The following IPO11 variants were observed in gnomAD, a reference collection of about 807,000 sequenced individuals.
IPO11 encodes importin 11.
IPO11 carries 66 observed loss-of-function variants against 143.2 expected under a neutral mutation model. The ratio of observed to expected loss-of-function variants is 0.46; its 90% confidence interval spans 0.38 to 0.57. The LOEUF (loss-of-function observed/expected upper bound fraction) is 0.57. Among genes scored for constraint, IPO11 ranks in the 20% least tolerant of loss-of-function variants. The pLI is 0.00. For synonymous variants in IPO11, 385 were observed against 377.8 expected, an observed-to-expected ratio of 1.02 and a Z score of -0.22; for missense variants, 1,026 against 1,141.0, an observed-to-expected ratio of 0.90 and a Z score of 1.45.
rs576263939 is a variant in IPO11, at chr5:62,613,953, A to T, written c.2763+12105A>T. On this transcript the variant is annotated intron_variant, in intron 29 of 29. Coordinates refer to ENST00000325324, the MANE Select transcript of IPO11 (RefSeq NM_016338.5). ...AAGCCTTCAAGTCTTCCCTGTGTATATCCTAGCCACTTTAATTAATTTTTG... is the reference window on the plus strand; with the variant it reads ...AAGCCTTCAAGTCTTCCCTGTGTATTTCCTAGCCACTTTAATTAATTTTTG... Among the ~76,000 whole-genome samples, 26 of 152,276 alleles carry T rather than the reference A, an allele frequency of 1.7e-4. 1 individual carries two copies. The highest frequency in any genetic ancestry group is 5.5e-4 in the African/African-American group (23 of 41,550).
At chr5:62,538,567 C>T (rs1178648824) in intron 24 of IPO11, among the ~76,000 whole-genome samples, 1 of 152,186 alleles carries the variant, frequency 6.6e-6, no homozygotes, top group Non-Finnish European at 1.5e-5. Flanking sequence ...GAAGAAGATG[C>T]CTTGCCTCCC....
chr5:62,600,603 A>C (rs1745471236), intron 28 of IPO11, among the ~76,000 whole-genome samples: 1 of 152,184 alleles, frequency 6.6e-6, no homozygotes, highest in Admixed American at 6.5e-5. Flanking sequence ...CACTTTATTA[A>C]ATAGCTTTTG....
intron 28 of IPO11, among the ~76,000 whole-genome samples, chr5:62,600,246 A>G (rs1303304413): frequency 6.6e-6 from 1 of 152,078 alleles, no homozygotes; most frequent in Non-Finnish European, 1.5e-5. Context: ...GGGCTTCACC[A>G]TGTTGTCCAG....
intron 26 of IPO11, among the ~76,000 whole-genome samples, chr5:62,552,007 C>T (rs1743404332): frequency 6.6e-6 from 1 of 152,064 alleles, no homozygotes; most frequent in African/African-American, 2.4e-5. Flanking sequence ...ACCTGTAGTC[C>T]CAGCTACTTG....
chr5:62,508,571 TCTTCCTCC>T (rs1741642466), intron 19 of IPO11, among the ~76,000 whole-genome samples: 1 of 151,962 alleles, frequency 6.6e-6, no homozygotes, highest in African/African-American at 2.4e-5. Flanking sequence ...TCTTCTTCTT[TCTTCCTCC>T]CTTCCTCCTT....
chr5:62,509,215 T>A (rs114328986), intron 19 of IPO11, among the ~76,000 whole-genome samples: 1,965 of 152,320 alleles, frequency 0.013, 35 homozygotes, highest in African/African-American at 0.045. Flanking sequence ...AGGTGGTCTT[T>A]GGGCCTGTGC....
At chr5:62,522,288 G>GT (rs111301961) in intron 20 of IPO11, among the ~76,000 whole-genome samples, 14,317 of 140,106 alleles carry the variant, frequency 0.1, 708 homozygotes, top group South Asian at 0.15. Context: ...ATTGTGGTGG[G>GT]TTTTTTTTTT....
Position 62,468,970 on chromosome 5 carries a change from A to G in IPO11, c.650-1280A>G, listed in dbSNP as rs867541001. Among the ~76,000 whole-genome samples the G allele has an allele frequency of 2.3e-4, 35 of 152,332 alleles. 1 individual carries two copies. In the Middle Eastern group the frequency reaches 0.024, roughly 104 times the overall value. ...ATTCATTATTTCATTCGACAAATCT[A>G]TAGATCCTTGGCACTGGGGAGACAG... On this transcript the variant is annotated intron_variant, in intron 6 of 29. Coordinates refer to ENST00000325324, the MANE Select transcript of IPO11 (RefSeq NM_016338.5).
intron 27 of IPO11, 123 bp from the exon 28 acceptor site, chr5:62,591,451 GAAA>G: frequency 3.3e-6 from 2 of 602,732 alleles, no homozygotes; most frequent in Non-Finnish European, 5.7e-6. Context: ...AATAGATTTT[GAAA>G]GTTTCTTTTG....
chr5:62,528,188 T>C (rs1452919266), intron 21 of IPO11, among the ~76,000 whole-genome samples: 1 of 152,202 alleles, frequency 6.6e-6, no homozygotes, highest in Non-Finnish European at 1.5e-5. Context: ...TGTTTACTTA[T>C]ATAGTAGGAA....
chr5:62,437,271 C>G lies in IPO11; in HGVS notation c.-6-3C>G, dbSNP rs1370064360. Reference sequence around the variant, plus strand: ...TTCAAGTATGTTAACTTATCATTGCCAGGTTTCCATGGATCTCAATAGTGC... The same window carrying G: ...TTCAAGTATGTTAACTTATCATTGCGAGGTTTCCATGGATCTCAATAGTGC... On this transcript the variant is annotated splice_region_variant and splice_polypyrimidine_tract_variant and intron_variant, in intron 1 of 29. Transcript: ENST00000325324. 1 of 1,576,274 alleles carries G rather than the reference C, an allele frequency of 6.3e-7. No homozygotes were observed. Among genetic ancestry groups the G allele is most frequent in the East Asian group, 2.3e-5 (1 of 43,622 alleles).
intron 1 of IPO11, among the ~76,000 whole-genome samples, chr5:62,420,061 C>T (rs898536160): frequency 1.3e-5 from 2 of 151,882 alleles, no homozygotes; most frequent in African/African-American, 4.8e-5. Flanking sequence ...GAGGCCAAGG[C>T]GGGTGGATCA....
chr5:62,435,114 A>ATATGTATATGTATGTATATG (rs1744142409), intron 1 of IPO11, among the ~76,000 whole-genome samples: 3 of 102,310 alleles, frequency 2.9e-5, no homozygotes, highest in African/African-American at 1.4e-4. Context: ...ATATATGTAT[A>ATATGTATATGTATGTATATG]TATGTATATA....
At chr5:62,456,338 A>G (rs1397498730) in intron 5 of IPO11, among the ~76,000 whole-genome samples, 1 of 152,230 alleles carries the variant, frequency 6.6e-6, no homozygotes, top group African/African-American at 2.4e-5. Context: ...ATGCCTTTAC[A>G]TATAAACCTA....
intron 27 of IPO11, among the ~76,000 whole-genome samples, chr5:62,577,795 A>G (rs2112396724): frequency 6.6e-6 from 1 of 152,170 alleles, no homozygotes; most frequent in Admixed American, 6.5e-5. Flanking sequence ...TTATTTCTAA[A>G]GTAATTGTTG....
intron 20 of IPO11, among the ~76,000 whole-genome samples, chr5:62,520,621 GT>G (rs371549782): frequency 7.9e-5 from 12 of 152,196 alleles, no homozygotes; most frequent in African/African-American, 2.9e-4. Flanking sequence ...AGAACGTGCT[GT>G]GTTTGGTTTT....
chr5:62,511,428 A>G (rs886859217), intron 19 of IPO11, among the ~76,000 whole-genome samples: 3 of 152,210 alleles, frequency 2.0e-5, no homozygotes, highest in East Asian at 1.9e-4. Flanking sequence ...AAATAATATT[A>G]TAATCAAATT....
At chr5:62,514,585 AGGAGAGGGAGAGGGAGACGGGAGAG>A (rs757906544) in intron 19 of IPO11, among the ~76,000 whole-genome samples, 18 of 117,230 alleles carry the variant, frequency 1.5e-4, no homozygotes, top group Middle Eastern at 4.4e-3. Flanking sequence ...GACCGTGGAA[AGGAGAGGGAGAGGGAGACGGGAGAG>A]GGAGAGGGAG....
intron 16 of IPO11, among the ~76,000 whole-genome samples, chr5:62,503,600 G>A (rs918436743): frequency 6.6e-6 from 1 of 151,832 alleles, no homozygotes; most frequent in Admixed American, 6.6e-5. Context: ...CTGTCTTTTC[G>A]TGAGGTCATT....
Sources: gnomAD v4.1 joint callset for allele counts (sites outside exome capture counted in the v4.1 genomes callset) on GRCh38, gnomAD v4.1.1 for gene constraint, MANE v1.5 for transcripts, NCBI Gene and HGNC (gene_info 2026-07-23, HGNC 2026-07-21) for gene names.